The following ADGRB3 variants were observed in gnomAD, a reference collection of about 807,000 sequenced individuals.
ADGRB3 encodes adhesion G protein-coupled receptor B3.
A neutral mutation model predicts 193.4 loss-of-function variants in ADGRB3; 37 were observed. That is an observed-to-expected ratio of 0.19 (90% CI 0.15 to 0.25). ADGRB3 has a LOEUF of 0.25. ADGRB3 is among the 10% of genes least tolerant of loss of function. The pLI, the probability that ADGRB3 is intolerant of heterozygous loss-of-function variation, is 1.00. For synonymous variants in ADGRB3, 690 were observed against 644.2 expected (o/e 1.07, Z -1.08); for missense variants, 1,637 against 1,852.9 (o/e 0.88, Z 2.14).
chr6:69,106,724 A>C lies in ADGRB3; in HGVS notation c.2480+30686A>C, dbSNP rs116735802. The stretch of plus-strand genomic sequence containing the variant: ...GGACTGAGCTGCTGGGGAAACATTC[A>C]TCATGAATTATTTGTTTACACTTGC... On this transcript the variant is annotated intron_variant, in intron 17 of 31. Coordinates refer to ENST00000370598, the MANE Select transcript of ADGRB3 (RefSeq NM_001704.3). Among the ~76,000 whole-genome samples, 1,434 of 152,352 alleles carry C rather than the reference A, an allele frequency of 9.4e-3. 24 individuals carry two copies. The highest frequency in any genetic ancestry group is 0.033 in the African/African-American group (1,371 of 41,584).
At chr6:69,151,650 G>A (rs1774682081) in intron 17 of ADGRB3, among the ~76,000 whole-genome samples, 2 of 152,114 alleles carry the variant, frequency 1.3e-5, no homozygotes, top group Admixed American at 6.6e-5. Context: ...GACAATCAGT[G>A]GAAGCTTCTA....
chr6:68,832,084 T>C (rs1003471589), intron 3 of ADGRB3, among the ~76,000 whole-genome samples: 1 of 152,274 alleles, frequency 6.6e-6, no homozygotes, highest in Non-Finnish European at 1.5e-5. Context: ...CTTGTACATA[T>C]TTTAAAGCAT....
chr6:69,149,372 A>G (rs1193349812), intron 17 of ADGRB3, among the ~76,000 whole-genome samples: 1 of 151,726 alleles, frequency 6.6e-6, no homozygotes, highest in African/African-American at 2.4e-5. Context: ...TTCAGCTCGG[A>G]ATTTCTGCTT....
At chr6:69,350,102 C>A (rs888564893) in intron 26 of ADGRB3, among the ~76,000 whole-genome samples, 7 of 152,126 alleles carry the variant, frequency 4.6e-5, no homozygotes, top group Non-Finnish European at 1.0e-4. Flanking sequence ...GAGACACACC[C>A]CTGCAAACCT....
At chr6:68,975,019 A>G (rs1044276647) in intron 9 of ADGRB3, among the ~76,000 whole-genome samples, 155 bp downstream of exon 9, 1 of 152,230 alleles carries the variant, frequency 6.6e-6, no homozygotes. Context: ...TGCTTCATAA[A>G]TGAAGCCAAT....
chr6:69,094,493 A>G (rs950749344), intron 17 of ADGRB3, among the ~76,000 whole-genome samples: 4 of 152,194 alleles, frequency 2.6e-5, no homozygotes, highest in African/African-American at 9.6e-5. Context: ...GCTAATTAAT[A>G]TTTAGCATTT....
intron 17 of ADGRB3, among the ~76,000 whole-genome samples, chr6:69,163,909 A>T (rs976956013): frequency 6.6e-6 from 1 of 152,106 alleles, no homozygotes; most frequent in Non-Finnish European, 1.5e-5. Context: ...TTTTTCAACC[A>T]CGACTTTCTT....
chr6:69,184,975 A>G (rs1392292858), intron 17 of ADGRB3, among the ~76,000 whole-genome samples: 5 of 152,134 alleles, frequency 3.3e-5, no homozygotes, highest in Non-Finnish European at 7.4e-5. Context: ...AATTAAGCAC[A>G]AGAGGCCATC....
At chr6:68,690,315 G>A (rs183715248) in intron 3 of ADGRB3, among the ~76,000 whole-genome samples, 18 of 152,124 alleles carry the variant, frequency 1.2e-4, no homozygotes, top group African/African-American at 4.1e-4. Flanking sequence ...ATATTACAAC[G>A]TACCTTTGTA....
At chr6:68,905,723 G>T (rs10485435) in intron 3 of ADGRB3, among the ~76,000 whole-genome samples, 49,888 of 151,972 alleles carry the variant, frequency 0.33, 8,261 homozygotes, top group South Asian at 0.39. Flanking sequence ...TTCGTTGATT[G>T]TCTTCAAACT....
intron 3 of ADGRB3, among the ~76,000 whole-genome samples, chr6:68,742,040 G>A (rs1765993146): frequency 1.3e-5 from 2 of 152,170 alleles, no homozygotes; most frequent in African/African-American, 4.8e-5. Context: ...GAAGAATTTA[G>A]CTTAAAATAT....
chr6:68,807,300 C>G (rs1213554384), intron 3 of ADGRB3, among the ~76,000 whole-genome samples: 1 of 137,168 alleles, frequency 7.3e-6, no homozygotes, highest in South Asian at 2.2e-4. Context: ...CAGTGTGGCG[C>G]GATCTCAGCT....
intron 8 of ADGRB3, among the ~76,000 whole-genome samples, chr6:68,959,581 T>C (rs1289564033): frequency 6.6e-6 from 1 of 152,126 alleles, no homozygotes; most frequent in Non-Finnish European, 1.5e-5. Context: ...TAATGATTAA[T>C]CATCTGGATC....
At chr6:68,812,117 A>G (rs772086166) in intron 3 of ADGRB3, among the ~76,000 whole-genome samples, 6 of 152,180 alleles carry the variant, frequency 3.9e-5, no homozygotes, top group Non-Finnish European at 8.8e-5. Flanking sequence ...TGTGGTATGT[A>G]ATGTGTTCTT....
At chr6:68,863,117 T>A (rs1315618827) in intron 3 of ADGRB3, among the ~76,000 whole-genome samples, 1 of 152,184 alleles carries the variant, frequency 6.6e-6, no homozygotes, top group Non-Finnish European at 1.5e-5. Context: ...AGTCCCAAAG[T>A]GTTTGCCACT....
chr6:69,069,995 AAG>A (rs1217823363), intron 16 of ADGRB3, among the ~76,000 whole-genome samples: 1 of 152,112 alleles, frequency 6.6e-6, no homozygotes, highest in Non-Finnish European at 1.5e-5. Flanking sequence ...GTGTCAGTTG[AAG>A]AGTCTTTCTC....
intron 30 of ADGRB3, among the ~76,000 whole-genome samples, chr6:69,374,339 G>C (rs1277530591): frequency 6.6e-6 from 1 of 152,022 alleles, no homozygotes; most frequent in Non-Finnish European, 1.5e-5. Context: ...TGGTTCTTGA[G>C]GGAAAGTCCA....
In ADGRB3 at chr6:68,923,235, G is replaced by T. The variant is rs554254410; in HGVS notation, c.758-7324G>T. ...GACCAGAACTACTTTGGTATTTCTA[G>T]ATTCTCTTTTAATAAAGCATTTTTA... is the stretch of plus-strand genomic sequence containing the variant. On this transcript the variant is annotated intron_variant, in intron 3 of 31. Coordinates refer to ENST00000370598, the MANE Select transcript of ADGRB3 (RefSeq NM_001704.3). Among the ~76,000 whole-genome samples the T allele has an allele frequency of 5.3e-5, 8 of 152,114 alleles. No individual in the cohort carries two copies. In the East Asian group the frequency reaches 1.5e-3, roughly 29 times the overall value.
intron 20 of ADGRB3, among the ~76,000 whole-genome samples, chr6:69,256,958 A>C (rs1262253386): frequency 1.3e-5 from 2 of 149,002 alleles, no homozygotes; most frequent in Non-Finnish European, 3.0e-5. Flanking sequence ...CTATTGAGAT[A>C]ATCATGTGGT....
Sources: allele counts gnomAD v4.1 joint callset (sites outside exome capture counted in the v4.1 genomes callset), GRCh38; gene constraint gnomAD v4.1.1; transcripts MANE v1.5; gene names NCBI Gene and HGNC (gene_info 2026-07-23, HGNC 2026-07-21).